Variants in FECH observed in about 807,000 individuals in gnomAD.
The protein encoded by FECH is ferrochelatase.
In FECH, 40 loss-of-function variants were observed where a neutral mutation model predicts 56.9. The observed-to-expected ratio is 0.70, with a 90% confidence interval of 0.55 to 0.92. The LOEUF (loss-of-function observed/expected upper bound fraction) is 0.92, where lower values mean the gene tolerates loss of function less well. Ranked by LOEUF, FECH falls within the 40% of genes least tolerant of loss-of-function variation. FECH has a pLI of 0.00. For synonymous variants in FECH, 175 were observed against 198.6 expected, an observed-to-expected ratio of 0.88 and a Z score of 1.00; for missense variants, 431 against 529.1, an observed-to-expected ratio of 0.81 and a Z score of 1.82.
chr18:57,563,044 C>G lies in FECH; in HGVS notation c.599-64G>C, dbSNP rs865874962. 13 of 1,315,908 alleles carry G rather than the reference C, an allele frequency of 9.9e-6. No homozygotes were observed. The Middle Eastern group carries it at 1.3e-3, about 127-fold the overall frequency. The allele number at this position is 1,315,908 out of a possible 1,614,324, so 81.5% of individuals were successfully genotyped here. On this transcript the variant is annotated intron_variant, in intron 5 of 10. Coordinates refer to ENST00000262093, the MANE Select transcript of FECH (RefSeq NM_000140.5). ...TTATGGTGAAAATAAAAAACAGACT[C>G]GTAAAGGTAGTATATATAAGTTCAA...
At chr18:57,555,192 G>A (rs982143030) in intron 7 of FECH, among the ~76,000 whole-genome samples, 2 of 152,198 alleles carry the variant, frequency 1.3e-5, no homozygotes, top group African/African-American at 4.8e-5. Flanking sequence ...AGAATTCCAT[G>A]TTCCACGTTA....
intron 6 of FECH, among the ~76,000 whole-genome samples, chr18:57,559,654 T>C (rs2050916399): frequency 6.6e-6 from 1 of 152,182 alleles, no homozygotes; most frequent in South Asian, 2.1e-4. Flanking sequence ...TAGTTTGGCT[T>C]TCAGGCATAC....
Position 57,571,432 on chromosome 18 carries a change from C to T in FECH, c.423G>A (p.Glu141=), listed in dbSNP as rs569268069. The T allele has an allele frequency of 2.4e-5, 39 of 1,613,966 alleles. No individual in the cohort carries two copies. In the South Asian group the frequency reaches 4.2e-4, roughly 17 times the overall value. ...ATTCATCCAGCAGCTTCACCATGCCCTCTCCCTGCTTGGAAGTCCATATCT... is the reference window on the plus strand; with the variant it reads ...ATTCATCCAGCAGCTTCACCATGCCTTCTCCCTGCTTGGAAGTCCATATCT... The part of the protein sequence containing the change: ...PIKIWTSKQG[E]GMVKLLDELS... Residue 141 remains glutamate (E), a synonymous_variant, in exon 4 of 11, where the codon GAG becomes GAA. Transcript: ENST00000262093.
At chr18:57,569,745 A>G (rs1458539349) in intron 4 of FECH, among the ~76,000 whole-genome samples, 1 of 152,102 alleles carries the variant, frequency 6.6e-6, no homozygotes, top group Admixed American at 6.5e-5. Flanking sequence ...TGGGTACTAC[A>G]GTAACATAAA....
chr18:57,554,145 G>A (rs1240036091), intron 9 of FECH, 115 bp downstream of exon 9: 38 of 1,120,714 alleles, frequency 3.4e-5, no homozygotes, highest in South Asian at 7.8e-5. Flanking sequence ...TGAGGACACC[G>A]TACATGCAAA....
chr18:57,551,036 CAG>C (rs2050790815), intron 10 of FECH, 190 bp from the exon 11 acceptor site: 3 of 715,298 alleles, frequency 4.2e-6, no homozygotes, highest in Non-Finnish European at 7.0e-6. Flanking sequence ...AAAGTTAAAA[CAG>C]AGATTTCAGG....
chr18:57,586,419 G>C (rs910159480), intron 1 of FECH, 135 bp downstream of exon 1: 39 of 969,480 alleles, frequency 4.0e-5, no homozygotes, highest in Non-Finnish European at 5.4e-5. Context: ...GACGCCCCTC[G>C]CCCGGTTGCT....
intron 5 of FECH, among the ~76,000 whole-genome samples, chr18:57,566,089 C>A (rs1476019488): frequency 6.6e-6 from 1 of 152,212 alleles, no homozygotes; most frequent in African/African-American, 2.4e-5. Context: ...CAGTTACAAT[C>A]TTTGCTACAT....
Position 57,562,912 on chromosome 18 carries a change from T to C in FECH, c.667A>G (p.Thr223Ala). Residue 223 changes from threonine to alanine, a missense_variant, in exon 6 of 11, where the codon ACT becomes GCT. Transcript: ENST00000262093. ...VGRKPTMKWS[T>A]IDRWPTHHLL... ...TGATGTGTGGGCCACCTGTCAATAG[T>C]GCTCCACTTCATCGTGGGCTTCCGT... is the stretch of plus-strand genomic sequence containing the variant. 1 of 1,614,158 alleles carries C rather than the reference T, an allele frequency of 6.2e-7. No individual in the cohort carries two copies. The highest frequency in any genetic ancestry group is 8.5e-7 in the Non-Finnish European group (1 of 1,180,030).
At chr18:57,585,164 T>C (rs2122380340) in intron 1 of FECH, among the ~76,000 whole-genome samples, 1 of 152,244 alleles carries the variant, frequency 6.6e-6, no homozygotes, top group East Asian at 1.9e-4. Context: ...ATACATAAAG[T>C]ATAAAACTTT....
chr18:57,563,284 C>T (rs1486713247), intron 5 of FECH, among the ~76,000 whole-genome samples: 1 of 152,116 alleles, frequency 6.6e-6, no homozygotes, highest in Non-Finnish European at 1.5e-5. Context: ...CCAAGTCTTA[C>T]AATTCAAAGT....
In FECH at chr18:57,570,533, T is replaced by C. The variant is rs113962987; in HGVS notation, c.463+859A>G. The stretch of plus-strand genomic sequence containing the variant: ...TCCTTTTGGTCCTGCCTAGTGGAGC[T>C]GTTCTCCCTGAGGGTTCCCAGTGTC... On this transcript the variant is annotated intron_variant, in intron 4 of 10. Coordinates refer to ENST00000262093, the MANE Select transcript of FECH (RefSeq NM_000140.5). Among the ~76,000 whole-genome samples, 898 of 152,348 alleles carry C rather than the reference T, an allele frequency of 5.9e-3. 7 individuals carry two copies. Among genetic ancestry groups the C allele is most frequent in the Middle Eastern group, 0.017 (5 of 294 alleles).
Position 57,550,624 on chromosome 18 carries a change from T to C in FECH, c.*88A>G. 6.4e-7 allele frequency: 1 copy of C among 1,562,904 alleles called. No individual in the cohort carries two copies. Among genetic ancestry groups the C allele is most frequent in the South Asian group, 1.1e-5 (1 of 89,230 alleles). The stretch of plus-strand genomic sequence containing the variant: ...ATATATCAAGGAAGGATGACTTCCT[T>C]CCTTGATCTCTAAATAACACCCTCT... On this transcript the variant is annotated 3_prime_UTR_variant, in exon 11 of 11. Coordinates refer to ENST00000262093, the MANE Select transcript of FECH (RefSeq NM_000140.5).
At chr18:57,562,079 A>AG (rs2050952444) in intron 6 of FECH, among the ~76,000 whole-genome samples, 1 of 152,232 alleles carries the variant, frequency 6.6e-6, no homozygotes, top group South Asian at 2.1e-4. Context: ...AGTTGTTAGT[A>AG]GGGTTTTTTG....
In FECH at chr18:57,559,130, A is replaced by G; in HGVS notation, c.804+15T>C. 1 of 1,552,106 alleles carries G rather than the reference A, an allele frequency of 6.4e-7. No individual in the cohort carries two copies. Among genetic ancestry groups the G allele is most frequent in the Non-Finnish European group, 8.9e-7 (1 of 1,124,224 alleles). ...CCTCTATCACTAGGTCATCCCAGAA[A>G]ATGTTCTTACTTACAGACATGGGCA... On this transcript the variant is annotated intron_variant, in intron 7 of 10. Transcript: ENST00000262093.
chr18:57,558,073 G>C (rs1229141790), intron 7 of FECH, among the ~76,000 whole-genome samples: 2 of 152,236 alleles, frequency 1.3e-5, no homozygotes, highest in African/African-American at 4.8e-5. Context: ...AGCCACCAGG[G>C]GGCGGTAAGG....
chr18:57,563,098 G>A (rs2050967390), intron 5 of FECH, 118 bp from the exon 6 acceptor site: 1 of 772,496 alleles, frequency 1.3e-6, no homozygotes, highest in African/African-American at 1.7e-5. Flanking sequence ...TACTGAATCA[G>A]TCTAATTACA....
chr18:57,560,211 A>G (rs2050924954), intron 6 of FECH, among the ~76,000 whole-genome samples: 1 of 152,262 alleles, frequency 6.6e-6, no homozygotes, highest in Admixed American at 6.5e-5. Flanking sequence ...TTAAGTGTTT[A>G]GGTGTAGAGG....
At chr18:57,566,636 C>T in intron 4 of FECH, 55 bp from the exon 5 acceptor site, 1 of 1,602,530 alleles carries the variant, frequency 6.2e-7, no homozygotes, top group South Asian at 1.1e-5. Context: ...ATAGATTCCT[C>T]AGAGTCAACA....
Sources: gnomAD v4.1 joint callset for allele counts (sites outside exome capture counted in the v4.1 genomes callset) on GRCh38, gnomAD v4.1.1 for gene constraint, MANE v1.5 for transcripts, NCBI Gene and HGNC (gene_info 2026-07-23, HGNC 2026-07-21) for gene names.